Variants in CDCP1 observed in about 807,000 individuals in gnomAD.
The protein encoded by CDCP1 is CUB domain-containing protein 1.
Under a neutral mutation model 60.2 loss-of-function variants are expected in CDCP1, and 29 were observed. The observed-to-expected ratio is 0.48, with a 90% CI of 0.36 to 0.66. The LOEUF (loss-of-function observed/expected upper bound fraction) is 0.66. CDCP1 is among the 30% of genes least tolerant of loss of function. The pLI, the probability that CDCP1 is intolerant of heterozygous loss-of-function variation, is 0.00. For missense variants in CDCP1, 876 were observed against 1,074.3 expected, an observed-to-expected ratio of 0.82 and a Z score of 2.58; for synonymous variants, 387 against 431.1, an observed-to-expected ratio of 0.90 and a Z score of 1.27.
chr3:45,088,434 C>G (rs531821353), intron 8 of CDCP1, among the ~76,000 whole-genome samples: 1 of 152,056 alleles, frequency 6.6e-6, no homozygotes, highest in Non-Finnish European at 1.5e-5. Context: ...TGCAGTGAAC[C>G]GAGATTGCAC....
intron 2 of CDCP1, among the ~76,000 whole-genome samples, chr3:45,112,661 GCT>G (rs1698720241): frequency 6.6e-6 from 1 of 152,228 alleles, no homozygotes; most frequent in Admixed American, 6.5e-5. Context: ...GCTCGGGGGA[GCT>G]GCCTTGAACC....
chr3:45,146,356 C>T lies in CDCP1; in HGVS notation c.-69G>A. 1 of 1,380,384 alleles carries T rather than the reference C, an allele frequency of 7.2e-7. No homozygotes were observed. Among genetic ancestry groups the T allele is most frequent in the Non-Finnish European group, 9.7e-7 (1 of 1,027,354 alleles). The allele number at this position is 1,380,384 out of a possible 1,614,324, so 85.5% of individuals were successfully genotyped here. A position where few individuals can be genotyped will look rare whatever the true frequency, so the allele number is the denominator to read the frequency against. On this transcript the variant is annotated 5_prime_UTR_variant, in exon 1 of 9. Coordinates refer to ENST00000296129, the MANE Select transcript of CDCP1 (RefSeq NM_022842.5). The stretch of plus-strand genomic sequence containing the variant: ...GAGCGGCGGCCCCAGGCGCCCAAGC[C>T]CGGCGCAGCTGCGCTCCGCCCTGGC...
chr3:45,112,150 T>C lies in CDCP1; in HGVS notation c.588A>G (p.Leu196=). 6.2e-7 allele frequency: 1 copy of C among 1,614,128 alleles called. No individual in the cohort carries two copies. Among genetic ancestry groups the C allele is most frequent in the Non-Finnish European group, 8.5e-7 (1 of 1,180,014 alleles). The part of the protein sequence containing the change: ...IKMQEGVKMA[L]HLPWFHPRNV... ...TTCTGGGGTGGAACCATGGGAGGTGTAAGGCCATTTTCACTCCTTCTTGCA... is the reference window on the plus strand; with the variant it reads ...TTCTGGGGTGGAACCATGGGAGGTGCAAGGCCATTTTCACTCCTTCTTGCA... Residue 196 remains leucine, a synonymous_variant, in exon 3 of 9, where the codon TTA becomes TTG. Coordinates refer to ENST00000296129, the MANE Select transcript of CDCP1 (RefSeq NM_022842.5).
At chr3:45,107,047 CCCCT>C (rs1698578583) in intron 4 of CDCP1, among the ~76,000 whole-genome samples, 1 of 152,144 alleles carries the variant, frequency 6.6e-6, no homozygotes, top group African/African-American at 2.4e-5. Flanking sequence ...CCCAGAGTCT[CCCCT>C]TAGTATTCCT....
At position 45,126,122 on chromosome 3, in the gene CDCP1, CTTTCTTTCTTTCTTTCT is replaced by C. The variant is rs1698982837; in HGVS notation, c.83-7518_83-7502del. ...TTTGTCTCTCTCTCTTTCTTTCTTT[CTTTCTTTCTTTCTTTCT>C]TTCTTTCTTTCTTTCTTTCTTTCTT... On this transcript the variant is annotated intron_variant, in intron 1 of 8. Transcript: ENST00000296129. Among the ~76,000 whole-genome samples the C allele has an allele frequency of 1.6e-3, 216 of 135,348 alleles. 1 individual carries two copies. The highest frequency in any genetic ancestry group is 5.7e-3 in the African/African-American group (203 of 35,790). 88.8% of individuals were successfully genotyped at this position (135,348 alleles called of 152,430 possible).
chr3:45,089,202 C>A, intron 7 of CDCP1, 61 bp from the exon 8 acceptor site: 1 of 1,351,908 alleles, frequency 7.4e-7, no homozygotes, highest in South Asian at 1.2e-5. Context: ...CTGCAATGAA[C>A]TTGAGGCATC....
chr3:45,106,947 A>G (rs1327178043), intron 4 of CDCP1, among the ~76,000 whole-genome samples: 2 of 152,184 alleles, frequency 1.3e-5, no homozygotes, highest in Non-Finnish European at 2.9e-5. Flanking sequence ...AAGCAGGAGC[A>G]GCACATAGAG....
chr3:45,130,890 A>G (rs1056779099), intron 1 of CDCP1, among the ~76,000 whole-genome samples: 2 of 152,030 alleles, frequency 1.3e-5, no homozygotes, highest in Admixed American at 1.3e-4. Context: ...TTTCAGTGAC[A>G]GGGTCTCGTT....
rs186260548 is a variant in CDCP1 at position 45,093,428 on chromosome 3, G to A, written c.1476C>T (p.Asp492=). 2 of 1,614,038 alleles carry A rather than the reference G, an allele frequency of 1.2e-6. No homozygotes were observed. Among genetic ancestry groups the A allele is most frequent in the African/African-American group, 2.7e-5 (2 of 74,942 alleles). ...YLVASAIPSQ[D]LYFGSFCPGG... is the part of the protein sequence containing the mutation. ...CCGGGCAGAAGGAGCCGAAGTACAG[G>A]TCCTGGCTGGGTATGGCACTGGCCA... The change falls in exon 6 of 9, where the codon GAC becomes GAT. Residue 492 remains aspartate (D), a synonymous_variant. Transcript: ENST00000296129.
rs186260548 is a variant in CDCP1 at position 45,093,428 on chromosome 3, G to T, written c.1476C>A (p.Asp492Glu). Residue 492 changes from aspartate (D) to glutamate (E), a missense_variant, in exon 6 of 9, where the codon GAC (aspartate) becomes GAA (glutamate). Asp to Glu is a conservative substitution (Grantham distance 45, BLOSUM62 2). Around this residue, in one of 2 missense-constraint regions of CDCP1, gnomAD observed 726 missense variants for 935.7 expected, o/e 0.78. Transcript: ENST00000296129. ...YLVASAIPSQ[D>E]LYFGSFCPGG... ...CCGGGCAGAAGGAGCCGAAGTACAG[G>T]TCCTGGCTGGGTATGGCACTGGCCA... The T allele has an allele frequency of 9.9e-6, 16 of 1,614,156 alleles. No homozygotes were observed. The highest frequency in any genetic ancestry group is 8.3e-5 in the Admixed American group (5 of 60,022).
At chr3:45,128,712 T>C (rs1035261325) in intron 1 of CDCP1, among the ~76,000 whole-genome samples, 11 of 152,184 alleles carry the variant, frequency 7.2e-5, no homozygotes, top group African/African-American at 2.4e-4. Context: ...GCAAGTTGTT[T>C]CTTTTATTTA....
At chr3:45,112,917 G>C (rs1698724874) in intron 2 of CDCP1, among the ~76,000 whole-genome samples, 1 of 152,218 alleles carries the variant, frequency 6.6e-6, no homozygotes, top group African/African-American at 2.4e-5. Flanking sequence ...TCACTTCTGA[G>C]AGCACTTTCT....
chr3:45,146,128 G>A, intron 1 of CDCP1, 78 bp downstream of exon 1: 1 of 1,334,208 alleles, frequency 7.5e-7, no homozygotes. Context: ...TGCGTCCCTC[G>A]GCCGCATCTC....
chr3:45,125,302 G>A (rs1698959545), intron 1 of CDCP1, among the ~76,000 whole-genome samples: 1 of 152,146 alleles, frequency 6.6e-6, no homozygotes. Context: ...ACGGAGTTTG[G>A]GCTTCACCCA....
At chr3:45,138,343 T>C (rs1241444792) in intron 1 of CDCP1, among the ~76,000 whole-genome samples, 1 of 152,162 alleles carries the variant, frequency 6.6e-6, no homozygotes, top group African/African-American at 2.4e-5. Flanking sequence ...CAAAGCACAA[T>C]GTGTAGGTAA....
At chr3:45,139,509 C>A (rs36114248) in intron 1 of CDCP1, 20,734 of 152,360 alleles carry the variant, frequency 0.14, 1,516 homozygotes, top group African/African-American at 0.15. Flanking sequence ...CTCCCTCCAC[C>A]AACTTCCAGC....
chr3:45,120,844 C>T (rs1559396891), intron 1 of CDCP1, among the ~76,000 whole-genome samples: 1 of 152,074 alleles, frequency 6.6e-6, no homozygotes, highest in Non-Finnish European at 1.5e-5. Flanking sequence ...GTTGTCATTC[C>T]GGTCTCAGCA....
chr3:45,085,815 G>C lies in CDCP1; in HGVS notation c.2334C>G (p.Thr778=), dbSNP rs1698180528. 1 of 1,614,022 alleles carries C rather than the reference G, an allele frequency of 6.2e-7. No homozygotes were observed. The change falls in exon 9 of 9, where the codon ACC becomes ACG. Residue 778 remains threonine (T), a synonymous_variant. Transcript: ENST00000296129. The surrounding 1 kb of genome is among the most constrained non-coding windows in gnomAD (Gnocchi z 4.2). ...TTGCAGTTGGGGCCCTGGAGCATAT[G>C]GTGGGTGGGGAGGGAGGACAGACCC... ...TMGVCPPSPP[T]ICSRAPTAKL...
In CDCP1 at chr3:45,112,116, C is replaced by T. The variant is rs373169671; in HGVS notation, c.622G>A (p.Gly208Ser). The T allele has an allele frequency of 8.4e-5, 135 of 1,613,920 alleles. 1 individual carries two copies. The Admixed American group carries it at 1.2e-3, about 14-fold the overall frequency. The change falls in exon 3 of 9, where the codon GGC (glycine) becomes AGC (serine). Residue 208 changes from glycine to serine, a missense_variant. Coordinates refer to ENST00000296129, the MANE Select transcript of CDCP1 (RefSeq NM_022842.5). Reference protein sequence around the residue: ...LPWFHPRNVSGFSIANRSSIK... With the variant: ...LPWFHPRNVSSFSIANRSSIK... ...GATGAGCGGTTTGCAATGCTGAAGC[C>T]GGAGACATTTCTGGGGTGGAACCAT... is the stretch of plus-strand genomic sequence containing the variant.
Sources: gnomAD v4.1 joint callset for allele counts (sites outside exome capture counted in the v4.1 genomes callset) on GRCh38, gnomAD v4.1.1 for gene constraint, gnomAD v4.1.1 regional missense constraint, Gnocchi (gnomAD v3.1) non-coding constraint, MANE v1.5 for transcripts, NCBI Gene and HGNC (gene_info 2026-07-23, HGNC 2026-07-21) for gene names.